Variants in KANK4 observed in about 807,000 individuals in gnomAD.
KANK4 encodes KN motif and ankyrin repeat domains 4, also known as KN motif and ankyrin repeat domain-containing protein 4.
KANK4 carries 50 observed loss-of-function variants against 80.8 expected under a neutral mutation model. The observed-to-expected ratio is 0.62, with a 90% CI of 0.49 to 0.78. KANK4 has a LOEUF of 0.78. Ranked by LOEUF, KANK4 falls within the 30% of genes least tolerant of loss-of-function variation. The pLI is 0.00. For synonymous variants in KANK4, 465 were observed against 506.9 expected (o/e 0.92, Z 1.11); for missense variants, 1,196 against 1,240.1 (o/e 0.96, Z 0.53).
chr1:62,271,400 C>G, intron 4 of KANK4, 78 bp downstream of exon 4: 1 of 956,682 alleles, frequency 1.0e-6, no homozygotes, highest in Non-Finnish European at 1.7e-6. Context: ...ATGCCTCCCC[C>G]TAGGAAAAGA....
chr1:62,266,872 TAAAC>T, intron 5 of KANK4, 53 bp from the exon 6 acceptor site: 1 of 1,149,956 alleles, frequency 8.7e-7, no homozygotes, highest in Non-Finnish European at 1.3e-6. Context: ...TTCAAGTTGA[TAAAC>T]AAGACTTTCA....
chr1:62,255,377 C>G (rs921615510), intron 7 of KANK4, among the ~76,000 whole-genome samples: 11 of 152,064 alleles, frequency 7.2e-5, no homozygotes, highest in African/African-American at 2.4e-4. Flanking sequence ...CGTCTTTGTA[C>G]TGTTACTTAT....
At chr1:62,262,062 C>T (rs977744708) in intron 7 of KANK4, among the ~76,000 whole-genome samples, 2 of 152,158 alleles carry the variant, frequency 1.3e-5, no homozygotes, top group Non-Finnish European at 2.9e-5. Flanking sequence ...CATGTGTAGT[C>T]AATAAATATC....
At chr1:62,249,384 A>T (rs1671555205) in intron 8 of KANK4, among the ~76,000 whole-genome samples, 3 of 143,774 alleles carry the variant, frequency 2.1e-5, no homozygotes, top group Middle Eastern at 3.3e-3. Context: ...ATATACATGT[A>T]TTTTTTTTTT....
chr1:62,293,820 C>T lies in KANK4; in HGVS notation c.-70-12186G>A, dbSNP rs529172693. On this transcript the variant is annotated intron_variant, in intron 1 of 9. Coordinates refer to ENST00000371153, the MANE Select transcript of KANK4 (RefSeq NM_181712.5). ...TTCAGCTACCCAGCACTTTTGTGAA[C>T]ACCCTTCCTATACTTGGTTATTTCC... Among the ~76,000 whole-genome samples, 6 of 152,318 alleles carry T rather than the reference C, an allele frequency of 3.9e-5. No individual in the cohort carries two copies. The East Asian group carries it at 1.2e-3, about 29-fold the overall frequency.
At chr1:62,275,519 T>A (rs955331424) in intron 2 of KANK4, among the ~76,000 whole-genome samples, 5 of 152,198 alleles carry the variant, frequency 3.3e-5, no homozygotes, top group Non-Finnish European at 5.9e-5. Flanking sequence ...GATACACAAG[T>A]GGCTCAGCAG....
chr1:62,288,331 G>A (rs1391891388), intron 1 of KANK4, among the ~76,000 whole-genome samples: 1 of 152,210 alleles, frequency 6.6e-6, no homozygotes, highest in African/African-American at 2.4e-5. Context: ...CAGCAAGATG[G>A]GGGCTAGGCC....
chr1:62,284,431 C>T (rs1239249756), intron 1 of KANK4, among the ~76,000 whole-genome samples: 1 of 152,166 alleles, frequency 6.6e-6, no homozygotes, highest in Non-Finnish European at 1.5e-5. Flanking sequence ...ATTCTCCTGC[C>T]TCAGCCTCCC....
At chr1:62,268,557 T>A (rs757440774) in intron 4 of KANK4, 52 bp from the exon 5 acceptor site, 2 of 1,466,102 alleles carry the variant, frequency 1.4e-6, no homozygotes, top group Non-Finnish European at 1.9e-6. Context: ...CCAGTGCCCA[T>A]GTCAACACCA....
In KANK4 at chr1:62,309,637, T is replaced by A. The variant is rs181130022; in HGVS notation, c.-71+9469A>T. 1.5e-4 allele frequency among the ~76,000 whole-genome samples: 23 copies of A among 152,338 alleles called. No homozygotes were observed. In the East Asian group the frequency reaches 4.4e-3, roughly 29 times the overall value. On this transcript the variant is annotated intron_variant, in intron 1 of 9. Transcript: ENST00000371153. ...TGCCAAGGGCTTTAAGTGCACTATC[T>A]CATTTCATCTTGGGTAACCCTATAA...
At position 62,297,723 on chromosome 1, in the gene KANK4, T is replaced by TA. The variant is rs201962279; in HGVS notation, c.-70-16090dup. On this transcript the variant is annotated intron_variant, in intron 1 of 9. Coordinates refer to ENST00000371153, the MANE Select transcript of KANK4 (RefSeq NM_181712.5). ...ACCAATTTACTTGTGAAGGAATAGC[T>TA]AAAAAATTCAGTGACTTTCTAATCC... 2.9e-3 allele frequency among the ~76,000 whole-genome samples: 448 copies of TA among 152,364 alleles called. 4 individuals carry two copies. Among genetic ancestry groups the TA allele is most frequent in the African/African-American group, 0.01 (432 of 41,602 alleles).
intron 1 of KANK4, among the ~76,000 whole-genome samples, chr1:62,317,878 G>A (rs1644554987): frequency 6.6e-6 from 1 of 152,168 alleles, no homozygotes; most frequent in Admixed American, 6.5e-5. Context: ...CCAGTGCCTG[G>A]CACAGAGCAT....
rs950020876 is a variant in KANK4, at chr1:62,245,746, T to C, written c.2883+1726A>G. ...TACTGAGAGGATTAGAGGTAATGCA[T>C]GGGAAAGGTTTAGTTCCCAGGAGCA... On this transcript the variant is annotated intron_variant, in intron 9 of 9. Coordinates refer to ENST00000371153, the MANE Select transcript of KANK4 (RefSeq NM_181712.5). 5.3e-5 allele frequency among the ~76,000 whole-genome samples: 8 copies of C among 152,196 alleles called. No individual in the cohort carries two copies. In the South Asian group the frequency reaches 1.5e-3, roughly 28 times the overall value.
chr1:62,254,417 T>C (rs896129355), intron 7 of KANK4, among the ~76,000 whole-genome samples: 2 of 151,426 alleles, frequency 1.3e-5, no homozygotes, highest in Non-Finnish European at 2.9e-5. Flanking sequence ...AATTTTTGTA[T>C]TTTTAGTAGA....
intron 9 of KANK4, among the ~76,000 whole-genome samples, chr1:62,243,112 C>T (rs1360869770): frequency 6.6e-6 from 1 of 152,106 alleles, no homozygotes; most frequent in African/African-American, 2.4e-5. Context: ...TAACTTACTC[C>T]AGTTTCTGCC....
At chr1:62,287,318 C>G (rs1473457281) in intron 1 of KANK4, among the ~76,000 whole-genome samples, 3 of 152,172 alleles carry the variant, frequency 2.0e-5, no homozygotes, top group African/African-American at 7.2e-5. Context: ...GACCTTGTTC[C>G]TTCGCCTCCT....
At chr1:62,317,700 T>C (rs1463298526) in intron 1 of KANK4, among the ~76,000 whole-genome samples, 1 of 152,250 alleles carries the variant, frequency 6.6e-6, no homozygotes. Flanking sequence ...GACCGACTAC[T>C]GGACCTATCA....
Position 62,237,072 on chromosome 1 carries a change from T to C in KANK4, c.*1205A>G, listed in dbSNP as rs909056202. On this transcript the variant is annotated 3_prime_UTR_variant, in exon 10 of 10. Coordinates refer to ENST00000371153, the MANE Select transcript of KANK4 (RefSeq NM_181712.5). ...CTGAGCCAAAATGAGAGTGCAAGCTTTTGAGTTTCCAATGTAAAGCTCATC... is the reference window on the plus strand; with the variant it reads ...CTGAGCCAAAATGAGAGTGCAAGCTCTTGAGTTTCCAATGTAAAGCTCATC... 45 of 152,078 alleles carry C rather than the reference T, an allele frequency of 3.0e-4. 1 individual carries two copies. Among genetic ancestry groups the C allele is most frequent in the African/African-American group, 1.1e-3 (44 of 41,480 alleles). 9.4% of individuals were successfully genotyped at this position (152,078 alleles called of 1,614,324 possible). A position where few individuals can be genotyped will look rare whatever the true frequency, so the allele number is the denominator to read the frequency against.
At chr1:62,266,528 C>A (rs908236285) in intron 6 of KANK4, among the ~76,000 whole-genome samples, 5 of 151,708 alleles carry the variant, frequency 3.3e-5, no homozygotes, top group Admixed American at 3.3e-4. Flanking sequence ...CACACTCACA[C>A]CACTGCCTCA....
Sources: gnomAD v4.1 joint callset for allele counts (sites outside exome capture counted in the v4.1 genomes callset) on GRCh38, gnomAD v4.1.1 for gene constraint, MANE v1.5 for transcripts, NCBI Gene and HGNC (gene_info 2026-07-23, HGNC 2026-07-21) for gene names.